ANKS1B: variants seen among roughly 807,000 people sequenced by gnomAD.
ANKS1B encodes the protein ankyrin repeat and sterile alpha motif domain-containing protein 1B.
ANKS1B carries 36 observed loss-of-function variants against 148.3 expected under a neutral mutation model. The observed-to-expected ratio is 0.24, with a 90% CI of 0.19 to 0.32. The LOEUF (loss-of-function observed/expected upper bound fraction) is 0.32. Ranked by LOEUF, ANKS1B falls within the 10% of genes least tolerant of loss-of-function variation. The probability of loss-of-function intolerance (pLI) is 1.00; values close to 1 mark genes in which losing one functional copy is unlikely to be tolerated. For synonymous variants in ANKS1B, 542 were observed against 560.8 expected, an observed-to-expected ratio of 0.97 and a Z score of 0.47; for missense variants, 1,157 against 1,542.6, an observed-to-expected ratio of 0.75 and a Z score of 4.19.
At chr12:99,131,563 G>A (rs1431064316) in intron 15 of ANKS1B, among the ~76,000 whole-genome samples, 1 of 152,162 alleles carries the variant, frequency 6.6e-6, no homozygotes, top group South Asian at 2.1e-4. Context: ...AACCGTTCCT[G>A]TAAAGTTATT....
At chr12:98,812,876 T>A (rs1174891843) in intron 19 of ANKS1B, among the ~76,000 whole-genome samples, 2 of 152,174 alleles carry the variant, frequency 1.3e-5, no homozygotes, top group Non-Finnish European at 2.9e-5. Flanking sequence ...AAAAATCGGA[T>A]GCATTCCAGA....
intron 22 of ANKS1B, among the ~76,000 whole-genome samples, chr12:98,786,829 G>A (rs2098799559): frequency 1.3e-5 from 2 of 152,244 alleles, no homozygotes; most frequent in Non-Finnish European, 1.5e-5. Context: ...TGGGGAGGAC[G>A]CCACCAACCC....
intron 20 of ANKS1B, among the ~76,000 whole-genome samples, chr12:98,807,514 G>GTA (rs61337017): frequency 0.095 from 14,243 of 150,578 alleles, 754 homozygotes; most frequent in African/African-American, 0.14. Context: ...ATACATGTGT[G>GTA]TATATATATA....
At chr12:98,867,827 G>A (rs1479935283) in intron 17 of ANKS1B, among the ~76,000 whole-genome samples, 4 of 150,210 alleles carry the variant, frequency 2.7e-5, no homozygotes, top group Non-Finnish European at 5.9e-5. Context: ...GCACCACTAC[G>A]CTCCAGCCTG....
intron 12 of ANKS1B, chr12:99,341,284 A>G (rs976392408): frequency 6.6e-6 from 1 of 152,128 alleles, no homozygotes; most frequent in Non-Finnish European, 1.5e-5. Context: ...CTAGGTATTA[A>G]TTAGCTCATG....
intron 9 of ANKS1B, among the ~76,000 whole-genome samples, chr12:99,638,676 A>G (rs189472682): frequency 2.6e-5 from 4 of 152,340 alleles, no homozygotes; most frequent in South Asian, 2.1e-4. Flanking sequence ...AGAAATTCAC[A>G]TAAGTCACAA....
chr12:99,700,161 T>G (rs1254205194), intron 8 of ANKS1B, among the ~76,000 whole-genome samples: 1 of 152,140 alleles, frequency 6.6e-6, no homozygotes, highest in Non-Finnish European at 1.5e-5. Context: ...ATTTTTAAAA[T>G]TAGTCATCTC....
chr12:99,149,427 C>A (rs1282413987), intron 15 of ANKS1B, among the ~76,000 whole-genome samples: 1 of 152,100 alleles, frequency 6.6e-6, no homozygotes, highest in Non-Finnish European at 1.5e-5. Context: ...TGAATGCTAT[C>A]CACCCAAGTG....
At chr12:98,974,042 C>G (rs543832097) in intron 17 of ANKS1B, among the ~76,000 whole-genome samples, 1 of 152,058 alleles carries the variant, frequency 6.6e-6, no homozygotes, top group Non-Finnish European at 1.5e-5. Flanking sequence ...GAGAGGACTA[C>G]TATATGGAAA....
At position 99,973,450 on chromosome 12, in the gene ANKS1B, C is replaced by T. The variant is rs111648042; in HGVS notation, c.134+10654G>A. On this transcript the variant is annotated intron_variant, in intron 1 of 26. Coordinates refer to ENST00000683438, the MANE Select transcript of ANKS1B (RefSeq NM_001352186.2). ...TAAAAATTATCCAGGCTTGGTAGCA[C>T]ATGCCTGTGGTCCCAGCTACACAGG... 5.9e-5 allele frequency among the ~76,000 whole-genome samples: 9 copies of T among 152,292 alleles called. No individual in the cohort carries two copies. The East Asian group carries it at 1.5e-3, about 26-fold the overall frequency.
chr12:99,401,498 T>C (rs1220910521), intron 11 of ANKS1B, among the ~76,000 whole-genome samples: 1 of 146,714 alleles, frequency 6.8e-6, no homozygotes, highest in East Asian at 1.9e-4. Context: ...GTTTCTTAAA[T>C]ACATGTTTCT....
At chr12:99,223,421 A>C (rs898957090) in intron 14 of ANKS1B, among the ~76,000 whole-genome samples, 1 of 152,070 alleles carries the variant, frequency 6.6e-6, no homozygotes, top group African/African-American at 2.4e-5. Flanking sequence ...TACAACGTAG[A>C]ATCAGTGGGA....
At chr12:99,425,007 T>A (rs1481182419) in intron 11 of ANKS1B, among the ~76,000 whole-genome samples, 2 of 152,008 alleles carry the variant, frequency 1.3e-5, no homozygotes, top group African/African-American at 4.8e-5. Flanking sequence ...TACCTCACTT[T>A]CCTTTTTATG....
intron 17 of ANKS1B, among the ~76,000 whole-genome samples, chr12:98,928,935 C>G (rs2099811334): frequency 6.6e-6 from 1 of 151,882 alleles, no homozygotes; most frequent in Admixed American, 6.6e-5. Context: ...GGGTGCTAGC[C>G]AGGCTAATTA....
At chr12:99,024,840 A>C (rs1382841737) in intron 17 of ANKS1B, among the ~76,000 whole-genome samples, 2 of 152,172 alleles carry the variant, frequency 1.3e-5, no homozygotes, top group Non-Finnish European at 2.9e-5. Context: ...CTTGTGTCTT[A>C]ATCATCCCAG....
intron 1 of ANKS1B, among the ~76,000 whole-genome samples, chr12:99,964,637 T>C (rs2095461990): frequency 6.6e-6 from 1 of 152,130 alleles, no homozygotes; most frequent in South Asian, 2.1e-4. Flanking sequence ...AGGGTGCCCA[T>C]GTGGTGATGG....
At position 99,429,999 on chromosome 12, in the gene ANKS1B, C is replaced by T. The variant is rs551190956; in HGVS notation, c.1575+13674G>A. Among the ~76,000 whole-genome samples the T allele has an allele frequency of 9.2e-4, 139 of 151,158 alleles. 1 individual carries two copies. The highest frequency in any genetic ancestry group is 3.1e-3 in the African/African-American group (128 of 41,240). On this transcript the variant is annotated intron_variant, in intron 11 of 26. Coordinates refer to ENST00000683438, the MANE Select transcript of ANKS1B (RefSeq NM_001352186.2). Reference sequence around the variant, plus strand: ...AAAAATAAAAATAAAAAATAACACACCAGTGCTAATGAGGCATTAGAACAG... The same window carrying T: ...AAAAATAAAAATAAAAAATAACACATCAGTGCTAATGAGGCATTAGAACAG...
chr12:99,528,624 T>C (rs1463721000), intron 9 of ANKS1B, among the ~76,000 whole-genome samples: 1 of 152,122 alleles, frequency 6.6e-6, no homozygotes, highest in Non-Finnish European at 1.5e-5. Context: ...AAATGATTCA[T>C]TTCAAAAAGA....
intron 1 of ANKS1B, among the ~76,000 whole-genome samples, chr12:99,958,036 G>A (rs772014173): frequency 1.3e-5 from 2 of 152,188 alleles, no homozygotes; most frequent in Non-Finnish European, 1.5e-5. Flanking sequence ...AAAAATAGAT[G>A]CATGTACAAG....
Sources: gnomAD v4.1 joint callset for allele counts (sites outside exome capture counted in the v4.1 genomes callset) on GRCh38, gnomAD v4.1.1 for gene constraint, MANE v1.5 for transcripts, NCBI Gene and HGNC (gene_info 2026-07-23, HGNC 2026-07-21) for gene names.